The following TRPC5 variants were observed in gnomAD, a reference collection of about 807,000 sequenced individuals.
TRPC5 encodes the protein short transient receptor potential channel 5.
Under a neutral mutation model 56.5 loss-of-function variants are expected in TRPC5, and 9 were observed. The observed-to-expected ratio is 0.16, with a 90% confidence interval of 0.10 to 0.28. TRPC5 has a LOEUF of 0.28. Ranked by LOEUF, TRPC5 falls within the 10% of genes least tolerant of loss-of-function variation. TRPC5 has a pLI of 1.00. For missense variants in TRPC5, 469 were observed against 748.9 expected (o/e 0.63, Z 4.36); for synonymous variants, 282 against 278.5 (o/e 1.01, Z -0.13).
rs747954404 is a variant in TRPC5 at position 111,804,462 on chromosome X, T to C, written c.1897-22324A>G. Among the ~76,000 whole-genome samples the C allele has an allele frequency of 5.3e-4, 59 of 112,124 alleles. 1 individual carries two copies. Among genetic ancestry groups the C allele is most frequent in the African/African-American group, 1.9e-3 (58 of 30,863 alleles). On this transcript the variant is annotated intron_variant, in intron 7 of 10. Transcript: ENST00000262839. ...TTGGGCAGTATGGCCATTTTCATGATATTGATTCTTCCTATCTATGAGCAT... is the reference window on the plus strand; with the variant it reads ...TTGGGCAGTATGGCCATTTTCATGACATTGATTCTTCCTATCTATGAGCAT...
At chrX:111,967,254 A>T (rs1209806251) in intron 1 of TRPC5, among the ~76,000 whole-genome samples, 4 of 111,194 alleles carry the variant, frequency 3.6e-5, no homozygotes, top group Admixed American at 9.6e-5. Context: ...ATAAAATACC[A>T]AGGAATCCAA....
chrX:112,065,845 T>C (rs1239667072), intron 1 of TRPC5, among the ~76,000 whole-genome samples: 1 of 109,073 alleles, frequency 9.2e-6, no homozygotes, highest in Admixed American at 9.8e-5. Flanking sequence ...AATTCCAGCC[T>C]GGATGACAGA....
chrX:111,786,642 C>T (rs1945968410), intron 7 of TRPC5, among the ~76,000 whole-genome samples: 1 of 110,242 alleles, frequency 9.1e-6, no homozygotes, highest in Admixed American at 9.7e-5. Flanking sequence ...GAGTCAAGAC[C>T]CATGAGTGTG....
At chrX:111,970,775 G>T (rs867719612) in intron 1 of TRPC5, among the ~76,000 whole-genome samples, 1 of 93,015 alleles carries the variant, frequency 1.1e-5, no homozygotes, top group Non-Finnish European at 2.1e-5. Context: ...TCACATTACC[G>T]TTTTTTTTTT....
chrX:111,880,286 C>T (rs766219508), intron 3 of TRPC5, among the ~76,000 whole-genome samples: 25 of 111,921 alleles, frequency 2.2e-4, no homozygotes, highest in Admixed American at 2.8e-4. Context: ...TATGTGCTTG[C>T]CATCATATTC....
intron 1 of TRPC5, among the ~76,000 whole-genome samples, chrX:111,976,131 T>C (rs138717254): frequency 1.0e-3 from 116 of 111,432 alleles, no homozygotes; most frequent in African/African-American, 3.3e-3. Flanking sequence ...CTCAACAAAA[T>C]GAATATGGAG....
intron 7 of TRPC5, among the ~76,000 whole-genome samples, chrX:111,795,351 A>C (rs959244734): frequency 2.7e-5 from 3 of 111,456 alleles, no homozygotes; most frequent in African/African-American, 6.5e-5. Context: ...TTTAAAAAAA[A>C]ATCATCAATG....
chrX:111,985,568 T>C (rs986250011), intron 1 of TRPC5, among the ~76,000 whole-genome samples: 3 of 112,067 alleles, frequency 2.7e-5, no homozygotes, highest in Non-Finnish European at 5.6e-5. Context: ...GTCCTTCCTC[T>C]AGGAGACCTG....
chrX:111,778,990 A>G lies in TRPC5; in HGVS notation c.2227T>C (p.Phe743Leu). The change falls in exon 10 of 11, where the codon TTT (phenylalanine) becomes CTT (leucine). Residue 743 changes from phenylalanine to leucine, a missense_variant. By Grantham distance (22) the Phe-to-Leu change is conservative (BLOSUM62 0). Transcript: ENST00000262839. ...CCACTTCATGATTAAATTACCTTAAAATTTTCTTCTGTAAGTCCCTCATGT... is the reference window on the plus strand; with the variant it reads ...CCACTTCATGATTAAATTACCTTAAGATTTTCTTCTGTAAGTCCCTCATGT... ...KTHEGLTEEN[F>L]KELKQDISSF... The G allele has an allele frequency of 1.7e-6, 2 of 1,189,044 alleles. No individual in the cohort carries two copies. The highest frequency in any genetic ancestry group is 2.3e-6 in the Non-Finnish European group (2 of 880,750).
At chrX:111,968,328 G>C (rs1199602064) in intron 1 of TRPC5, among the ~76,000 whole-genome samples, 1 of 111,429 alleles carries the variant, frequency 9.0e-6, no homozygotes, top group African/African-American at 3.3e-5. Context: ...GGAAACAACA[G>C]GTGCTGGAAA....
chrX:111,919,034 C>T (rs748753409), intron 2 of TRPC5, among the ~76,000 whole-genome samples: 24 of 111,039 alleles, frequency 2.2e-4, no homozygotes, highest in African/African-American at 7.2e-4. Flanking sequence ...CTTTGGATAG[C>T]GACTAAATCA....
At chrX:111,974,202 T>C (rs1927858252) in intron 1 of TRPC5, among the ~76,000 whole-genome samples, 1 of 111,778 alleles carries the variant, frequency 8.9e-6, no homozygotes, top group Non-Finnish European at 1.9e-5. Flanking sequence ...GGAAACAAGG[T>C]AGAAGGGTTC....
chrX:111,825,138 CCTTCCTTCCTTT>C (rs1336406107), intron 7 of TRPC5, among the ~76,000 whole-genome samples: 3 of 75,748 alleles, frequency 4.0e-5, no homozygotes, highest in Non-Finnish European at 6.7e-5. Context: ...TTCCTTCCTT[CCTTCCTTCCTTT>C]CTTTCTTTCT....
chrX:111,938,698 C>T (rs1037375773), intron 2 of TRPC5, among the ~76,000 whole-genome samples: 2 of 111,545 alleles, frequency 1.8e-5, no homozygotes, highest in Non-Finnish European at 3.8e-5. Flanking sequence ...GGATGAAGCC[C>T]ACTTGATCAT....
intron 6 of TRPC5, among the ~76,000 whole-genome samples, chrX:111,841,187 G>A (rs1276837437): frequency 2.7e-5 from 3 of 112,565 alleles, no homozygotes; most frequent in African/African-American, 9.7e-5. Context: ...CACTGATTAA[G>A]TAGAAGTAGC....
At chrX:112,067,691 T>C (rs144820492) in intron 1 of TRPC5, among the ~76,000 whole-genome samples, 4,208 of 111,837 alleles carry the variant, frequency 0.038, 152 homozygotes, top group African/African-American at 0.12. Context: ...AACCTACTGC[T>C]GGCCCCAGGG....
intron 6 of TRPC5, among the ~76,000 whole-genome samples, chrX:111,845,463 T>C (rs1242851613): frequency 9.0e-6 from 1 of 111,671 alleles, no homozygotes; most frequent in Non-Finnish European, 1.9e-5. Context: ...GCTAGGCAAG[T>C]GATAGGAGCA....
chrX:112,046,901 T>A (rs765089662), intron 1 of TRPC5, among the ~76,000 whole-genome samples: 3 of 111,498 alleles, frequency 2.7e-5, no homozygotes, highest in African/African-American at 9.8e-5. Context: ...GTCTCACTTA[T>A]CCTGACCACA....
chrX:111,916,077 A>G (rs907996073), intron 2 of TRPC5, among the ~76,000 whole-genome samples: 10 of 111,519 alleles, frequency 9.0e-5, no homozygotes, highest in Non-Finnish European at 1.7e-4. Context: ...GTGAGCTGTG[A>G]TCATGCCACT....
Sources: gnomAD v4.1 joint callset for allele counts (sites outside exome capture counted in the v4.1 genomes callset) on GRCh38, gnomAD v4.1.1 for gene constraint, MANE v1.5 for transcripts, NCBI Gene and HGNC (gene_info 2026-07-23, HGNC 2026-07-21) for gene names.